The following FAM135B variants were observed in gnomAD, a reference collection of about 807,000 sequenced individuals.
The protein encoded by FAM135B is family with sequence similarity 135 member B, also known as protein FAM135B.
Under a neutral mutation model 127.7 loss-of-function variants are expected in FAM135B, and 43 were observed. The observed-to-expected ratio is 0.34, with a 90% CI of 0.26 to 0.43. FAM135B has a LOEUF of 0.43. Among genes scored for constraint, FAM135B ranks in the 20% least tolerant of loss-of-function variants. The probability of loss-of-function intolerance (pLI) is 1.00; values close to 1 mark genes in which losing one functional copy is unlikely to be tolerated. For synonymous variants in FAM135B, 670 were observed against 665.1 expected (o/e 1.01, Z -0.11); for missense variants, 1,558 against 1,725.6 (o/e 0.90, Z 1.72).
intron 12 of FAM135B, among the ~76,000 whole-genome samples, chr8:138,167,129 CAG>C (rs754035811): frequency 1.3e-5 from 2 of 151,956 alleles, no homozygotes; most frequent in Admixed American, 6.6e-5. Context: ...CCCAAGCAGA[CAG>C]GGGGATAATG....
At chr8:138,494,802 A>T (rs1815328195) in intron 1 of FAM135B, among the ~76,000 whole-genome samples, 1 of 151,498 alleles carries the variant, frequency 6.6e-6, no homozygotes, top group Non-Finnish European at 1.5e-5. Context: ...CAGTTAAATG[A>T]GTCCCTACTC....
At chr8:138,171,081 G>A (rs1213777088) in intron 11 of FAM135B, among the ~76,000 whole-genome samples, 1 of 152,124 alleles carries the variant, frequency 6.6e-6, no homozygotes, top group Non-Finnish European at 1.5e-5. Context: ...CCTGAGCCAC[G>A]CTGCCAGCTC....
intron 2 of FAM135B, among the ~76,000 whole-genome samples, chr8:138,361,616 G>A (rs1056670119): frequency 7.2e-5 from 11 of 152,114 alleles, no homozygotes. Flanking sequence ...GTCTGTGGCA[G>A]TTGACACTCA....
At chr8:138,203,217 C>A (rs1586761797) in intron 7 of FAM135B, among the ~76,000 whole-genome samples, 1 of 152,154 alleles carries the variant, frequency 6.6e-6, no homozygotes, top group Non-Finnish European at 1.5e-5. Flanking sequence ...AATTCCTGCA[C>A]TGGGCTCTAG....
intron 2 of FAM135B, among the ~76,000 whole-genome samples, chr8:138,340,367 T>G (rs975195989): frequency 6.6e-6 from 1 of 152,192 alleles, no homozygotes; most frequent in Non-Finnish European, 1.5e-5. Flanking sequence ...AGCATTTTAC[T>G]TAAAGTGTCT....
intron 11 of FAM135B, 60 bp downstream of exon 11, chr8:138,177,287 G>A (rs757739560): frequency 3.6e-5 from 54 of 1,500,598 alleles, no homozygotes; most frequent in Non-Finnish European, 4.7e-5. Context: ...GAGTAACTTT[G>A]AACAGCATGT....
chr8:138,435,265 A>G (rs1201658654), intron 1 of FAM135B, among the ~76,000 whole-genome samples: 1 of 152,022 alleles, frequency 6.6e-6, no homozygotes, highest in Non-Finnish European at 1.5e-5. Context: ...CCATTGCACT[A>G]CAGCCTGGGT....
At chr8:138,330,070 C>T (rs113804071) in intron 2 of FAM135B, among the ~76,000 whole-genome samples, 4 of 152,276 alleles carry the variant, frequency 2.6e-5, no homozygotes, top group African/African-American at 9.6e-5. Context: ...TGCCCAGTCT[C>T]TCCAGTCTCC....
At chr8:138,378,813 T>C (rs986319848) in intron 1 of FAM135B, among the ~76,000 whole-genome samples, 4 of 152,176 alleles carry the variant, frequency 2.6e-5, no homozygotes, top group Non-Finnish European at 5.9e-5. Context: ...TTTGAGATTC[T>C]ATGTCCCCCT....
intron 7 of FAM135B, among the ~76,000 whole-genome samples, chr8:138,201,103 A>G (rs1311401031): frequency 6.6e-6 from 1 of 152,214 alleles, no homozygotes; most frequent in Non-Finnish European, 1.5e-5. Context: ...ACTAAGCAGA[A>G]ATGAAAGCAG....
chr8:138,248,024 A>G (rs2130452534), intron 6 of FAM135B, among the ~76,000 whole-genome samples: 1 of 152,322 alleles, frequency 6.6e-6, no homozygotes, highest in African/African-American at 2.4e-5. Context: ...AATGCTTATT[A>G]TGTGCTAGAC....
At chr8:138,180,008 A>G (rs1334377241) in intron 9 of FAM135B, among the ~76,000 whole-genome samples, 1 of 152,212 alleles carries the variant, frequency 6.6e-6, no homozygotes, top group Non-Finnish European at 1.5e-5. Flanking sequence ...TCCTGGTTAC[A>G]TTAACTAAAA....
At chr8:138,339,374 TATATATA>T (rs1563915364) in intron 2 of FAM135B, among the ~76,000 whole-genome samples, 1 of 150,548 alleles carries the variant, frequency 6.6e-6, no homozygotes, top group African/African-American at 2.5e-5. Flanking sequence ...TATATATATA[TATATATA>T]TATTTTAAAA....
At chr8:138,188,005 A>G (rs180904402) in intron 9 of FAM135B, among the ~76,000 whole-genome samples, 181 of 151,996 alleles carry the variant, frequency 1.2e-3, no homozygotes, top group African/African-American at 4.1e-3. Context: ...GAATGCCTTC[A>G]CCTGCTAGGA....
At chr8:138,422,160 T>C (rs144917873) in intron 1 of FAM135B, among the ~76,000 whole-genome samples, 62 of 152,152 alleles carry the variant, frequency 4.1e-4, no homozygotes, top group African/African-American at 1.3e-3. Flanking sequence ...CCTGAAATCA[T>C]AAAAACCCTA....
intron 2 of FAM135B, among the ~76,000 whole-genome samples, chr8:138,311,634 T>C (rs1352022364): frequency 6.6e-6 from 1 of 152,162 alleles, no homozygotes; most frequent in Non-Finnish European, 1.5e-5. Flanking sequence ...TTGAAACCCA[T>C]TGTGAAATGG....
intron 1 of FAM135B, among the ~76,000 whole-genome samples, chr8:138,434,902 G>A (rs1835377630): frequency 6.6e-6 from 1 of 152,204 alleles, no homozygotes; most frequent in Non-Finnish European, 1.5e-5. Flanking sequence ...ACATGATCAT[G>A]TAATTCCCTG....
intron 1 of FAM135B, among the ~76,000 whole-genome samples, chr8:138,495,950 T>C (rs1319149415): frequency 6.6e-6 from 1 of 152,102 alleles, no homozygotes; most frequent in Admixed American, 6.5e-5. Flanking sequence ...GATGTGATTC[T>C]TGTTTTGCTG....
chr8:138,194,633 T>C (rs942146891), intron 9 of FAM135B, among the ~76,000 whole-genome samples: 4 of 152,210 alleles, frequency 2.6e-5, no homozygotes, highest in Admixed American at 2.0e-4. Flanking sequence ...CTTCTAGTAC[T>C]GATTAGCTGT....
Sources: allele counts gnomAD v4.1 joint callset (sites outside exome capture counted in the v4.1 genomes callset), GRCh38; gene constraint gnomAD v4.1.1; transcripts MANE v1.5; gene names NCBI Gene and HGNC (gene_info 2026-07-23, HGNC 2026-07-21).